Variants in USP49 observed in about 807,000 individuals in gnomAD.
USP49 encodes the protein ubiquitin specific peptidase 49, also known as ubiquitin carboxyl-terminal hydrolase 49.
Under a neutral mutation model 58.6 loss-of-function variants are expected in USP49, and 24 were observed. The observed-to-expected ratio is 0.41, with a 90% CI of 0.30 to 0.58. The LOEUF (loss-of-function observed/expected upper bound fraction) is 0.58, where lower values mean the gene tolerates loss of function less well. Ranked by LOEUF, USP49 falls within the 20% of genes least tolerant of loss-of-function variation. The probability of loss-of-function intolerance (pLI) is 0.30; values close to 1 mark genes in which losing one functional copy is unlikely to be tolerated. For missense variants in USP49, 703 were observed against 866.1 expected (o/e 0.81, Z 2.36); for synonymous variants, 408 against 365.1 (o/e 1.12, Z -1.34).
At position 41,802,471 on chromosome 6, in the gene USP49, T is replaced by TTA. The variant is rs1554142823; in HGVS notation, c.1561+1334_1561+1335insTA. Among the ~76,000 whole-genome samples the TTA allele has an allele frequency of 7.0e-5, 5 of 71,080 alleles. 1 individual carries two copies. Among genetic ancestry groups the TTA allele is most frequent in the Non-Finnish European group, 7.8e-5 (3 of 38,544 alleles). 46.6% of individuals were successfully genotyped at this position (71,080 alleles called of 152,430 possible). On this transcript the variant is annotated intron_variant, in intron 5 of 7. Coordinates refer to ENST00000682992, the MANE Select transcript of USP49 (RefSeq NM_001286554.2). ...TTATTTATTTATTTATTTATTTATT[T>TTA]TTTATTTATTTTTTTTTTTTGAGAC...
At chr6:41,816,565 C>T (rs889178779) in intron 3 of USP49, among the ~76,000 whole-genome samples, 2 of 152,060 alleles carry the variant, frequency 1.3e-5, no homozygotes, top group Admixed American at 1.3e-4. Context: ...AAACTTTAAG[C>T]ATCATTTAAA....
intron 3 of USP49, among the ~76,000 whole-genome samples, chr6:41,849,494 T>C (rs916387361): frequency 1.3e-5 from 2 of 152,168 alleles, no homozygotes; most frequent in Non-Finnish European, 2.9e-5. Context: ...CAGCAGAATA[T>C]ACATTCTTCT....
At chr6:41,822,846 C>G (rs948046968) in intron 3 of USP49, among the ~76,000 whole-genome samples, 5 of 151,350 alleles carry the variant, frequency 3.3e-5, no homozygotes, top group African/African-American at 1.2e-4. Context: ...CTTTTAAGTA[C>G]TTGGTTTCAA....
intron 3 of USP49, among the ~76,000 whole-genome samples, chr6:41,834,256 G>A (rs1389087501): frequency 6.6e-6 from 1 of 151,842 alleles, no homozygotes; most frequent in Non-Finnish European, 1.5e-5. Context: ...TCATAACATC[G>A]AGCACTGAGC....
Position 41,806,476 on chromosome 6 carries a change from C to T in USP49, c.508G>A (p.Glu170Lys), listed in dbSNP as rs1367629896. The T allele has an allele frequency of 6.3e-7, 1 of 1,597,030 alleles. No individual in the cohort carries two copies. The highest frequency in any genetic ancestry group is 1.7e-5 in the Admixed American group (1 of 59,748). Residue 170 changes from glutamate (E) to lysine (K), a missense_variant, in exon 4 of 8, where the codon GAG becomes AAG. Transcript: ENST00000682992. The surrounding 1 kb of genome is among the most constrained non-coding windows in gnomAD (Gnocchi z 5.9). ...EKSSRGQAKLEQRRQEEALER... is the reference protein window; with the variant it reads ...EKSSRGQAKLKQRRQEEALER... The stretch of plus-strand genomic sequence containing the variant: ...AGGGCCTCCTCCTGCCGCCGCTGCT[C>T]CAGCTTCGCCTGGCCCCGGGAGCTC...
intron 2 of USP49, among the ~76,000 whole-genome samples, chr6:41,883,022 A>G (rs1285851803): frequency 1.3e-5 from 2 of 152,174 alleles, no homozygotes; most frequent in Admixed American, 1.3e-4. Flanking sequence ...AAGAAATATT[A>G]TATATATTAA....
rs149975880 is a variant in USP49, at chr6:41,801,982, A to C, written c.1561+1824T>G. On this transcript the variant is annotated intron_variant, in intron 5 of 7. Coordinates refer to ENST00000682992, the MANE Select transcript of USP49 (RefSeq NM_001286554.2). Reference sequence around the variant, plus strand: ...AAAAATGATGGAGTTAAAGCTGTTAATATTCTTTTGTTCCTTACAAGTAAA... The same window carrying C: ...AAAAATGATGGAGTTAAAGCTGTTACTATTCTTTTGTTCCTTACAAGTAAA... Among the ~76,000 whole-genome samples the C allele has an allele frequency of 2.5e-3, 375 of 152,160 alleles. 2 individuals carry two copies. Among genetic ancestry groups the C allele is most frequent in the African/African-American group, 8.5e-3 (355 of 41,522 alleles).
At chr6:41,835,630 C>G (rs1773710329) in intron 3 of USP49, among the ~76,000 whole-genome samples, 3 of 151,654 alleles carry the variant, frequency 2.0e-5, no homozygotes, top group African/African-American at 2.4e-5. Context: ...AGGAGAATCA[C>G]TTGAACCCAA....
chr6:41,871,467 C>T (rs1331492308), intron 3 of USP49, 97 bp downstream of exon 3: 1 of 152,158 alleles, frequency 6.6e-6, no homozygotes, highest in Non-Finnish European at 1.5e-5. Flanking sequence ...AGTAACTGAT[C>T]AATTACCCTC....
At chr6:41,852,123 C>T (rs1014460733) in intron 3 of USP49, among the ~76,000 whole-genome samples, 5 of 151,944 alleles carry the variant, frequency 3.3e-5, no homozygotes, top group South Asian at 2.1e-4. Flanking sequence ...GTCAGGAGTT[C>T]GAGACTAGCC....
At chr6:41,835,886 G>A (rs939994313) in intron 3 of USP49, among the ~76,000 whole-genome samples, 5 of 151,930 alleles carry the variant, frequency 3.3e-5, no homozygotes, top group Admixed American at 3.3e-4. Context: ...TCAGCCTGAG[G>A]AAGATGGTGA....
At chr6:41,895,084 C>A (rs1774874236) in intron 1 of USP49, among the ~76,000 whole-genome samples, 1 of 146,204 alleles carries the variant, frequency 6.8e-6, no homozygotes, top group African/African-American at 2.5e-5. Context: ...CCCCTGCCGC[C>A]GCTCCTCCCG....
chr6:41,837,129 C>T (rs748199499), intron 3 of USP49, among the ~76,000 whole-genome samples: 1 of 151,922 alleles, frequency 6.6e-6, no homozygotes, highest in Non-Finnish European at 1.5e-5. Context: ...CATATGGAAC[C>T]AAAAAAGAGC....
At chr6:41,870,049 C>T (rs1774387301) in intron 3 of USP49, among the ~76,000 whole-genome samples, 1 of 152,124 alleles carries the variant, frequency 6.6e-6, no homozygotes, top group South Asian at 2.1e-4. Flanking sequence ...CCATGGTTAA[C>T]CGTATCTGAG....
At chr6:41,802,447 TA>T (rs1426694970) in intron 5 of USP49, among the ~76,000 whole-genome samples, 38 of 74,134 alleles carry the variant, frequency 5.1e-4, no homozygotes, top group Non-Finnish European at 7.3e-4. Flanking sequence ...TTTATTTATT[TA>T]TTTATTTATT....
chr6:41,837,035 A>C (rs1353971925), intron 3 of USP49, among the ~76,000 whole-genome samples: 3 of 152,248 alleles, frequency 2.0e-5, no homozygotes, highest in Admixed American at 2.0e-4. Context: ...CATACTGCCC[A>C]AAGCAATCTA....
Position 41,793,243 on chromosome 6 carries a change from C to CTT in USP49, c.*3288_*3289dup. On this transcript the variant is annotated 3_prime_UTR_variant, in exon 8 of 8. Coordinates refer to ENST00000682992, the MANE Select transcript of USP49 (RefSeq NM_001286554.2). ...ACATTTTAAGAGACATCTGGAAATT[C>CTT]TTTTTTTTTTTTTGTTTTTGTTTTT... 1.3e-5 allele frequency: 2 copies of CTT among 151,488 alleles called. No homozygotes were observed. Among genetic ancestry groups the CTT allele is most frequent in the Non-Finnish European group, 2.9e-5 (2 of 69,174 alleles). The allele number at this position is 151,488 out of a possible 1,614,324, so 9.4% of individuals were successfully genotyped here. A position where few individuals can be genotyped will look rare whatever the true frequency, so the allele number is the denominator to read the frequency against.
intron 3 of USP49, among the ~76,000 whole-genome samples, chr6:41,817,457 C>CTTTTTTTT (rs58559695): frequency 1.3e-5 from 1 of 74,790 alleles, no homozygotes; most frequent in Non-Finnish European, 2.5e-5. Context: ...TTCTTTCTTT[C>CTTTTTTTT]TTTTTTTTTT....
intron 3 of USP49, among the ~76,000 whole-genome samples, chr6:41,867,944 G>A (rs1364380301): frequency 6.6e-6 from 1 of 152,150 alleles, no homozygotes; most frequent in Non-Finnish European, 1.5e-5. Context: ...TAAGATACAT[G>A]ATTTCAAATT....
Sources: gnomAD v4.1 joint callset for allele counts (sites outside exome capture counted in the v4.1 genomes callset) on GRCh38, gnomAD v4.1.1 for gene constraint, Gnocchi (gnomAD v3.1) non-coding constraint, MANE v1.5 for transcripts, NCBI Gene and HGNC (gene_info 2026-07-23, HGNC 2026-07-21) for gene names.